PDE1A: variants seen among roughly 807,000 people sequenced by gnomAD.
PDE1A encodes the protein phosphodiesterase 1A, also known as dual specificity calcium/calmodulin-dependent 3',5'-cyclic nucleotide phosphodiesterase 1A.
In PDE1A, 35 loss-of-function variants were observed where a neutral mutation model predicts 61.7. The observed-to-expected ratio is 0.57, with a 90% CI of 0.43 to 0.75. The LOEUF (loss-of-function observed/expected upper bound fraction) is 0.75, where lower values mean the gene tolerates loss of function less well. Ranked by LOEUF, PDE1A falls within the 30% of genes least tolerant of loss-of-function variation. The pLI, the probability that PDE1A is intolerant of heterozygous loss-of-function variation, is 0.00. For synonymous variants in PDE1A, 232 were observed against 213.2 expected (o/e 1.09, Z -0.77); for missense variants, 597 against 630.6 (o/e 0.95, Z 0.57).
intron 2 of PDE1A, among the ~76,000 whole-genome samples, chr2:182,456,724 A>T (rs945722514): frequency 2.0e-5 from 3 of 152,080 alleles, no homozygotes; most frequent in Non-Finnish European, 2.9e-5. Flanking sequence ...AAGAAATACA[A>T]TCCTCAATCT....
the PDE1A span, among the ~76,000 whole-genome samples, chr2:182,530,016 G>C: frequency 4.6e-5 from 7 of 152,274 alleles, no homozygotes; most frequent in African/African-American, 1.7e-4. Context: ...AGAAAAATAT[G>C]AAAAGGAAGC....
chr2:182,581,828 G>A, the PDE1A span, among the ~76,000 whole-genome samples: 7 of 152,220 alleles, frequency 4.6e-5, no homozygotes, highest in East Asian at 7.7e-4. Flanking sequence ...CAATCCACTC[G>A]AGGGCAGCTT....
intron 1 of PDE1A, among the ~76,000 whole-genome samples, chr2:182,280,787 A>T (rs758075034): frequency 2.9e-4 from 44 of 151,912 alleles, no homozygotes; most frequent in Non-Finnish European, 2.9e-4. Context: ...AAAAATCAAT[A>T]CATGTGACCA....
At chr2:182,697,499 G>A in the PDE1A span, among the ~76,000 whole-genome samples, 2 of 152,158 alleles carry the variant, frequency 1.3e-5, no homozygotes, top group Non-Finnish European at 2.9e-5. Context: ...CAGGGGAGGA[G>A]AAGTGCCTGA....
At chr2:182,708,104 C>T in the PDE1A span, among the ~76,000 whole-genome samples, 1 of 151,866 alleles carries the variant, frequency 6.6e-6, no homozygotes, top group Non-Finnish European at 1.5e-5. Flanking sequence ...ATATATGTAC[C>T]AAAATATCAC....
intron 1 of PDE1A, among the ~76,000 whole-genome samples, chr2:182,277,305 T>C (rs910765323): frequency 6.6e-6 from 1 of 152,096 alleles, no homozygotes; most frequent in African/African-American, 2.4e-5. Flanking sequence ...AATTCCTCTC[T>C]TTGTACTCTT....
chr2:182,602,697 A>G, the PDE1A span, among the ~76,000 whole-genome samples: 5 of 152,246 alleles, frequency 3.3e-5, no homozygotes, highest in African/African-American at 9.6e-5. Flanking sequence ...ATTTGGAAGC[A>G]GAATAAAATT....
the PDE1A span, among the ~76,000 whole-genome samples, chr2:182,586,153 G>A: frequency 6.6e-6 from 1 of 151,876 alleles, no homozygotes; most frequent in Non-Finnish European, 1.5e-5. Context: ...TTCATCCCGA[G>A]TAAATAATCT....
chr2:182,412,590 A>C (rs1487783904), intron 1 of PDE1A, among the ~76,000 whole-genome samples: 2 of 152,224 alleles, frequency 1.3e-5, no homozygotes, highest in Non-Finnish European at 2.9e-5. Context: ...CAAGAGGCAC[A>C]AATAAATTAG....
intron 2 of PDE1A, among the ~76,000 whole-genome samples, chr2:182,447,130 C>T (rs961916781): frequency 1.3e-5 from 2 of 151,528 alleles, no homozygotes; most frequent in Non-Finnish European, 2.9e-5. Flanking sequence ...CACACACACA[C>T]ACACACACAC....
At chr2:182,463,989 G>A (rs1305602167) in intron 2 of PDE1A, among the ~76,000 whole-genome samples, 1 of 152,080 alleles carries the variant, frequency 6.6e-6, no homozygotes, top group Non-Finnish European at 1.5e-5. Flanking sequence ...CTGCTTCTAT[G>A]CCAGCCCCAC....
the PDE1A span, among the ~76,000 whole-genome samples, chr2:182,645,826 A>G: frequency 1.3e-5 from 2 of 152,230 alleles, no homozygotes; most frequent in African/African-American, 4.8e-5. Flanking sequence ...TTCCATAGTT[A>G]AGAAAAATCC....
At chr2:182,559,594 G>C in the PDE1A span, among the ~76,000 whole-genome samples, 1 of 152,088 alleles carries the variant, frequency 6.6e-6, no homozygotes, top group African/African-American at 2.4e-5. Context: ...CTGAACATAG[G>C]TATACCCCAT....
At chr2:182,494,295 C>T (rs1688574713) in intron 2 of PDE1A, among the ~76,000 whole-genome samples, 2 of 121,468 alleles carry the variant, frequency 1.6e-5, no homozygotes, top group Non-Finnish European at 3.5e-5. Context: ...CATTTGGATT[C>T]TACAAAAAAA....
chr2:182,680,740 G>A, the PDE1A span, among the ~76,000 whole-genome samples: 1 of 152,064 alleles, frequency 6.6e-6, no homozygotes, highest in Non-Finnish European at 1.5e-5. Context: ...GAAGTTTCTT[G>A]GCTTCACCCA....
intron 2 of PDE1A, among the ~76,000 whole-genome samples, chr2:182,242,758 A>G (rs2170402): frequency 0.71 from 108,381 of 151,934 alleles, 39,087 homozygotes; most frequent in African/African-American, 0.83. Context: ...TGCAACAATG[A>G]CTCCTGCCAG....
chr2:182,700,722 A>G, the PDE1A span, among the ~76,000 whole-genome samples: 3 of 77,000 alleles, frequency 3.9e-5, no homozygotes, highest in Non-Finnish European at 6.6e-5. Context: ...ACTCCATCTC[A>G]AAAAAAAAAA....
the PDE1A span, among the ~76,000 whole-genome samples, chr2:182,619,055 G>A: frequency 7.3e-5 from 11 of 150,984 alleles, no homozygotes; most frequent in East Asian, 1.9e-4. Context: ...AAAAATAGGC[G>A]GGTGAGCGGG....
At chr2:182,224,010 C>T in intron 6 of PDE1A, 46 bp from the exon 7 acceptor site, 1 of 1,302,832 alleles carries the variant, frequency 7.7e-7, no homozygotes, top group Non-Finnish European at 1.1e-6. Context: ...AAGTAGATAA[C>T]ATCTTTCCTT....
Sources: allele counts gnomAD v4.1 joint callset (sites outside exome capture counted in the v4.1 genomes callset), GRCh38; gene constraint gnomAD v4.1.1; transcripts MANE v1.5; gene names NCBI Gene and HGNC (gene_info 2026-07-23, HGNC 2026-07-21).